The following CEP63 variants were observed in gnomAD, a reference collection of about 807,000 sequenced individuals.
CEP63 encodes centrosomal protein of 63 kDa.
CEP63 carries 84 observed loss-of-function variants against 89.1 expected under a neutral mutation model. That is an observed-to-expected ratio of 0.94 (90% CI 0.79 to 1.13). CEP63 has a LOEUF of 1.13. Ranked by LOEUF, CEP63 falls within the 50% of genes most tolerant of loss-of-function variation. CEP63 has a pLI of 0.00. For missense variants in CEP63, 838 were observed against 813.3 expected (o/e 1.03, Z -0.37); for synonymous variants, 267 against 272.5 (o/e 0.98, Z 0.20).
At chr3:134,731,155 C>T in the CEP63 span, among the ~76,000 whole-genome samples, 1 of 152,066 alleles carries the variant, frequency 6.6e-6, no homozygotes, top group African/African-American at 2.4e-5. Context: ...GATAAATTGA[C>T]AAAGACACAA....
chr3:134,641,346 G>A, the CEP63 span: 2 of 152,154 alleles, frequency 1.3e-5, no homozygotes, highest in African/African-American at 2.4e-5. Context: ...CTCAAGATAG[G>A]GAGACCATCC....
the CEP63 span, among the ~76,000 whole-genome samples, chr3:134,654,047 G>A: frequency 6.6e-6 from 1 of 152,274 alleles, no homozygotes; most frequent in African/African-American, 2.4e-5. Context: ...GGAATTCCAG[G>A]ATACAGAAAG....
chr3:134,596,129 T>C, the CEP63 span, among the ~76,000 whole-genome samples: 1 of 152,098 alleles, frequency 6.6e-6, no homozygotes, highest in Non-Finnish European at 1.5e-5. Flanking sequence ...CTGGGTTAAA[T>C]AGAAGCATCA....
chr3:134,702,284 A>G, the CEP63 span, among the ~76,000 whole-genome samples: 1 of 152,170 alleles, frequency 6.6e-6, no homozygotes, highest in Non-Finnish European at 1.5e-5. Flanking sequence ...AAATAGCCAT[A>G]CTGCTCAAAG....
the CEP63 span, among the ~76,000 whole-genome samples, chr3:134,681,788 C>T: frequency 1.3e-5 from 2 of 152,328 alleles, no homozygotes; most frequent in African/African-American, 4.8e-5. Flanking sequence ...AGGCATTTCA[C>T]GTGGATGATC....
At chr3:134,604,066 T>A in the CEP63 span, 1 of 1,613,864 alleles carries the variant, frequency 6.2e-7, no homozygotes, top group South Asian at 1.1e-5. Context: ...GATGGGGCCA[T>A]CATCCCCGTG....
At chr3:134,629,880 G>T in the CEP63 span, among the ~76,000 whole-genome samples, 1 of 152,100 alleles carries the variant, frequency 6.6e-6, no homozygotes, top group Non-Finnish European at 1.5e-5. Context: ...CCAGATTCAG[G>T]CAAGATGGAG....
the CEP63 span, among the ~76,000 whole-genome samples, chr3:134,759,772 C>A: frequency 6.6e-6 from 1 of 152,130 alleles, no homozygotes; most frequent in Non-Finnish European, 1.5e-5. Context: ...TAACTGTAAT[C>A]TTAAAAGAAG....
At chr3:134,515,268 G>A (rs1945968041) in intron 3 of CEP63, among the ~76,000 whole-genome samples, 1 of 152,036 alleles carries the variant, frequency 6.6e-6, no homozygotes, top group African/African-American at 2.4e-5. Flanking sequence ...AAAAAGAAGA[G>A]AAAAAGGAAC....
At chr3:134,761,591 G>A in the CEP63 span, among the ~76,000 whole-genome samples, 1 of 152,182 alleles carries the variant, frequency 6.6e-6, no homozygotes, top group Non-Finnish European at 1.5e-5. Flanking sequence ...CAAAGGCACT[G>A]CCTCCACTCG....
chr3:134,655,437 C>T, the CEP63 span, among the ~76,000 whole-genome samples: 5 of 152,202 alleles, frequency 3.3e-5, no homozygotes, highest in Admixed American at 3.3e-4. Context: ...TCCTTCCCAC[C>T]CTGATGGCAC....
chr3:134,701,297 T>TGTATATGTATATATACAC, the CEP63 span, among the ~76,000 whole-genome samples: 1 of 49,842 alleles, frequency 2.0e-5, no homozygotes, highest in Non-Finnish European at 6.0e-5. Flanking sequence ...TATATATGTG[T>TGTATATGTATATATACAC]ATATATACGT....
the CEP63 span, among the ~76,000 whole-genome samples, chr3:134,688,300 G>A: frequency 6.6e-6 from 1 of 152,196 alleles, no homozygotes; most frequent in Admixed American, 6.5e-5. Flanking sequence ...TATGTATATT[G>A]TACGATTCCA....
the CEP63 span, among the ~76,000 whole-genome samples, chr3:134,690,066 C>T: frequency 6.6e-6 from 1 of 152,146 alleles, no homozygotes; most frequent in African/African-American, 2.4e-5. Context: ...GAAAGATGTA[C>T]TCTAGACAAT....
chr3:134,747,635 C>T, the CEP63 span, among the ~76,000 whole-genome samples: 2 of 152,172 alleles, frequency 1.3e-5, no homozygotes, highest in Non-Finnish European at 2.9e-5. Flanking sequence ...TTCTCTGCTT[C>T]AGGCCTTCCC....
chr3:134,763,829 A>G, the CEP63 span, among the ~76,000 whole-genome samples: 8 of 152,212 alleles, frequency 5.3e-5, no homozygotes. Flanking sequence ...AATGCTCTTC[A>G]GGCTCCATGT....
the CEP63 span, among the ~76,000 whole-genome samples, chr3:134,713,932 A>G: frequency 3.8e-4 from 58 of 152,358 alleles, 1 homozygote; most frequent in East Asian, 0.01. Flanking sequence ...TGCCTGGTGC[A>G]TAACAAGTGC....
chr3:134,655,834 T>G, the CEP63 span, among the ~76,000 whole-genome samples: 2 of 152,196 alleles, frequency 1.3e-5, no homozygotes, highest in African/African-American at 4.8e-5. Context: ...AGCCCTGAGC[T>G]GGGCCTTTGG....
chr3:134,747,470 TG>T, the CEP63 span, among the ~76,000 whole-genome samples: 5 of 152,208 alleles, frequency 3.3e-5, no homozygotes, highest in African/African-American at 1.2e-4. Context: ...CAATGTTCTA[TG>T]GGAGTGTATG....
Sources: allele counts gnomAD v4.1 joint callset (sites outside exome capture counted in the v4.1 genomes callset), GRCh38; gene constraint gnomAD v4.1.1; transcripts MANE v1.5; gene names NCBI Gene and HGNC (gene_info 2026-07-23, HGNC 2026-07-21).